CTNNA3: variants seen among roughly 807,000 people sequenced by gnomAD.
The protein encoded by CTNNA3 is catenin alpha 3.
CTNNA3 carries 76 observed loss-of-function variants against 95.7 expected under a neutral mutation model. That is an observed-to-expected ratio of 0.79 (90% CI 0.66 to 0.96). CTNNA3 has a LOEUF of 0.96. Among genes scored for constraint, CTNNA3 ranks in the 40% least tolerant of loss-of-function variants. CTNNA3 has a pLI of 0.00. For synonymous variants in CTNNA3, 431 were observed against 374.4 expected, an observed-to-expected ratio of 1.15 and a Z score of -1.74; for missense variants, 1,191 against 1,089.8, an observed-to-expected ratio of 1.09 and a Z score of -1.31.
chr10:67,061,950 T>TAA lies in CTNNA3; in HGVS notation c.1047+118365_1047+118366dup, dbSNP rs201000620. Among the ~76,000 whole-genome samples, 109 of 110,868 alleles carry TAA rather than the reference T, an allele frequency of 9.8e-4. 1 individual carries two copies. The highest frequency in any genetic ancestry group is 3.9e-3 in the African/African-American group (105 of 27,248). 72.7% of individuals were successfully genotyped at this position (110,868 alleles called of 152,430 possible). A position where few individuals can be genotyped will look rare whatever the true frequency, so the allele number is the denominator to read the frequency against. ...AATTTATAAGAAAGCTTATTTACTG[T>TAA]AAAAAAAATCAATCTTAGGAAATAG... On this transcript the variant is annotated intron_variant, in intron 7 of 17. Transcript: ENST00000433211.
intron 11 of CTNNA3, among the ~76,000 whole-genome samples, chr10:66,510,859 G>A (rs1398103760): frequency 6.6e-6 from 1 of 151,388 alleles, no homozygotes; most frequent in African/African-American, 2.4e-5. Flanking sequence ...TTCTTTTTTT[G>A]TTGTGCCCTT....
intron 5 of CTNNA3, among the ~76,000 whole-genome samples, chr10:67,394,238 T>A (rs1048557554): frequency 6.6e-6 from 1 of 151,996 alleles, no homozygotes; most frequent in African/African-American, 2.4e-5. Context: ...ATGCTTAACT[T>A]TATATCTCAG....
chr10:67,745,688 T>A (rs1841371614), intron 1 of CTNNA3, among the ~76,000 whole-genome samples: 1 of 151,704 alleles, frequency 6.6e-6, no homozygotes, highest in Non-Finnish European at 1.5e-5. Flanking sequence ...AAAGACTCCA[T>A]GAAAAAAACT....
At chr10:66,866,672 C>T (rs934730494) in intron 7 of CTNNA3, among the ~76,000 whole-genome samples, 8 of 152,058 alleles carry the variant, frequency 5.3e-5, no homozygotes, top group African/African-American at 1.9e-4. Flanking sequence ...TGGGTAGGAG[C>T]CACGAGGTAT....
intron 7 of CTNNA3, among the ~76,000 whole-genome samples, chr10:66,902,786 G>A (rs183373170): frequency 1.3e-5 from 2 of 152,218 alleles, no homozygotes; most frequent in African/African-American, 4.8e-5. Flanking sequence ...AGAAGAAATG[G>A]ATAAATTGCT....
chr10:67,143,585 T>A (rs1389974636), intron 7 of CTNNA3, among the ~76,000 whole-genome samples: 1 of 152,170 alleles, frequency 6.6e-6, no homozygotes, highest in Non-Finnish European at 1.5e-5. Flanking sequence ...TTTGTTGTCA[T>A]TTAACCATGT....
intron 7 of CTNNA3, among the ~76,000 whole-genome samples, chr10:67,167,724 C>T (rs1861838223): frequency 6.6e-6 from 1 of 152,206 alleles, no homozygotes; most frequent in Non-Finnish European, 1.5e-5. Context: ...GCTTATTTTA[C>T]TGGATAACCC....
intron 11 of CTNNA3, among the ~76,000 whole-genome samples, chr10:66,397,752 T>C (rs1037429004): frequency 6.6e-6 from 1 of 151,924 alleles, no homozygotes; most frequent in Non-Finnish European, 1.5e-5. Context: ...CCATTTATTT[T>C]TCCAATGACA....
intron 9 of CTNNA3, among the ~76,000 whole-genome samples, chr10:66,664,041 A>C (rs1420148264): frequency 1.3e-5 from 2 of 152,066 alleles, no homozygotes; most frequent in Non-Finnish European, 2.9e-5. Flanking sequence ...CCATTTCAAC[A>C]TACAAATTCA....
intron 10 of CTNNA3, among the ~76,000 whole-genome samples, chr10:66,614,749 T>C (rs1046426056): frequency 3.3e-5 from 5 of 152,036 alleles, no homozygotes; most frequent in African/African-American, 1.2e-4. Flanking sequence ...AAAGCAATAC[T>C]ACATAGTGAC....
rs115634783 is a variant in CTNNA3 at position 67,690,117 on chromosome 10, T to C, written c.-6+5883A>G. 9.3e-3 allele frequency among the ~76,000 whole-genome samples: 1,411 copies of C among 152,270 alleles called. 21 individuals carry two copies. The highest frequency in any genetic ancestry group is 0.033 in the African/African-American group (1,352 of 41,540). The stretch of plus-strand genomic sequence containing the variant: ...GATGTTCATATGTGTCCGGAGTTAC[T>C]CCCTTCCGGTGGGTTCGTGGTCTTG... On this transcript the variant is annotated intron_variant, in intron 1 of 17. Coordinates refer to ENST00000433211, the MANE Select transcript of CTNNA3 (RefSeq NM_013266.4).
chr10:67,350,590 A>C (rs1842595417), intron 5 of CTNNA3, among the ~76,000 whole-genome samples: 1 of 151,294 alleles, frequency 6.6e-6, no homozygotes, highest in Admixed American at 6.6e-5. Context: ...AAAATTATGT[A>C]ATAAAAAACC....
chr10:67,397,489 G>C (rs1844749135), intron 5 of CTNNA3, among the ~76,000 whole-genome samples: 1 of 152,134 alleles, frequency 6.6e-6, no homozygotes. Context: ...ATTTCTAAGT[G>C]ACAAAGCATT....
At chr10:67,141,012 A>T (rs1398341311) in intron 7 of CTNNA3, among the ~76,000 whole-genome samples, 1 of 152,216 alleles carries the variant, frequency 6.6e-6, no homozygotes, top group Non-Finnish European at 1.5e-5. Context: ...TGAGAAGAGA[A>T]TCAAGAGCTA....
intron 1 of CTNNA3, among the ~76,000 whole-genome samples, chr10:67,687,441 C>T (rs1446383578): frequency 6.6e-6 from 1 of 152,158 alleles, no homozygotes; most frequent in African/African-American, 2.4e-5. Context: ...ACAAGCCCTA[C>T]CAGGTGATTG....
intron 12 of CTNNA3, among the ~76,000 whole-genome samples, chr10:66,307,741 A>AT: frequency 6.6e-6 from 1 of 152,332 alleles, no homozygotes; most frequent in South Asian, 2.1e-4. Flanking sequence ...CTTAAGTTTC[A>AT]TTTTTAGTTT....
chr10:67,650,608 A>G (rs988660085), intron 1 of CTNNA3, among the ~76,000 whole-genome samples: 2 of 152,178 alleles, frequency 1.3e-5, no homozygotes, highest in African/African-American at 4.8e-5. Flanking sequence ...TTATCATTTT[A>G]TATCAATTTT....
chr10:66,800,291 CTT>C (rs1190087038), intron 7 of CTNNA3, among the ~76,000 whole-genome samples: 4 of 151,346 alleles, frequency 2.6e-5, no homozygotes, highest in South Asian at 4.2e-4. Context: ...CAAAAGAACT[CTT>C]TTGATAAATT....
chr10:66,460,071 C>T (rs1200392412), intron 11 of CTNNA3, among the ~76,000 whole-genome samples: 2 of 152,074 alleles, frequency 1.3e-5, no homozygotes, highest in African/African-American at 4.8e-5. Context: ...AAAATGCTAC[C>T]TAAAATTCCT....
Sources: allele counts gnomAD v4.1 joint callset (sites outside exome capture counted in the v4.1 genomes callset), GRCh38; gene constraint gnomAD v4.1.1; transcripts MANE v1.5; gene names NCBI Gene and HGNC (gene_info 2026-07-23, HGNC 2026-07-21).